Variants in SPHKAP observed in about 807,000 individuals in gnomAD.
SPHKAP encodes A-kinase anchor protein SPHKAP.
SPHKAP carries 67 observed loss-of-function variants against 137.5 expected under a neutral mutation model. The observed-to-expected ratio is 0.49, with a 90% confidence interval of 0.40 to 0.60. SPHKAP has a LOEUF of 0.60. Ranked by LOEUF, SPHKAP falls within the 20% of genes least tolerant of loss-of-function variation. The probability of loss-of-function intolerance (pLI) is 0.00; values close to 1 mark genes in which losing one functional copy is unlikely to be tolerated. For synonymous variants in SPHKAP, 813 were observed against 785.3 expected (o/e 1.04, Z -0.59); for missense variants, 2,097 against 2,069.3 (o/e 1.01, Z -0.26).
intron 3 of SPHKAP, among the ~76,000 whole-genome samples, chr2:228,032,613 AG>A (rs1192781462): frequency 6.6e-6 from 1 of 152,216 alleles, no homozygotes; most frequent in Non-Finnish European, 1.5e-5. Context: ...AAAAATGTTA[AG>A]GGCAGCCAGA....
chr2:228,028,604 G>T (rs1232785785), intron 3 of SPHKAP, among the ~76,000 whole-genome samples: 1 of 151,886 alleles, frequency 6.6e-6, no homozygotes, highest in Non-Finnish European at 1.5e-5. Flanking sequence ...CATATGTTTA[G>T]ATATACAAAT....
At chr2:228,145,669 T>TA (rs967932399) in intron 1 of SPHKAP, among the ~76,000 whole-genome samples, 9 of 152,250 alleles carry the variant, frequency 5.9e-5, no homozygotes, top group Admixed American at 5.9e-4. Context: ...AAATTATAAA[T>TA]AAAAATATAG....
intron 3 of SPHKAP, among the ~76,000 whole-genome samples, chr2:228,092,913 A>C (rs948875731): frequency 2.0e-5 from 3 of 152,068 alleles, no homozygotes; most frequent in African/African-American, 7.2e-5. Context: ...AGGGAAAAGG[A>C]TGGGAACAGG....
intron 2 of SPHKAP, among the ~76,000 whole-genome samples, chr2:228,121,388 C>A (rs1698899360): frequency 6.6e-6 from 1 of 152,150 alleles, no homozygotes; most frequent in Non-Finnish European, 1.5e-5. Flanking sequence ...TGGTGCCTTG[C>A]ACCTATAGTC....
intron 3 of SPHKAP, among the ~76,000 whole-genome samples, chr2:228,042,883 C>T (rs1230590782): frequency 1.3e-5 from 2 of 152,140 alleles, no homozygotes; most frequent in African/African-American, 2.4e-5. Flanking sequence ...AGACTTCCAT[C>T]TTGTTCCCAG....
intron 2 of SPHKAP, chr2:228,109,417 C>G: frequency 1.0e-6 from 1 of 970,796 alleles, no homozygotes; most frequent in Non-Finnish European, 1.2e-6. Context: ...TTTTCTAGAA[C>G]ACCTAAGGTA....
intron 3 of SPHKAP, among the ~76,000 whole-genome samples, chr2:228,037,585 A>G (rs1023616123): frequency 1.3e-5 from 2 of 152,170 alleles, no homozygotes; most frequent in African/African-American, 4.8e-5. Context: ...AGCTACATAA[A>G]TATATCTCAT....
At chr2:228,152,683 T>G (rs1170163878) in intron 1 of SPHKAP, among the ~76,000 whole-genome samples, 1 of 151,750 alleles carries the variant, frequency 6.6e-6, no homozygotes, top group Non-Finnish European at 1.5e-5. Context: ...TAGTCAAGTT[T>G]TATTATTTTT....
intron 8 of SPHKAP, among the ~76,000 whole-genome samples, chr2:227,995,121 A>C (rs1693580163): frequency 6.6e-6 from 1 of 152,244 alleles, no homozygotes; most frequent in African/African-American, 2.4e-5. Flanking sequence ...ACAGTGTGGA[A>C]ACACTTGCCT....
intron 2 of SPHKAP, among the ~76,000 whole-genome samples, chr2:228,114,441 T>C (rs10171690): frequency 0.34 from 52,284 of 151,934 alleles, 9,282 homozygotes; most frequent in East Asian, 0.5. Flanking sequence ...TGATTAATCT[T>C]GGAGGTTTGG....
intron 3 of SPHKAP, among the ~76,000 whole-genome samples, chr2:228,030,554 A>AG (rs1553615002): frequency 0.012 from 1,717 of 140,174 alleles, 26 homozygotes; most frequent in African/African-American, 0.033. Context: ...AAAAAAAAAA[A>AG]AATAAAAAAA....
chr2:228,165,169 C>G (rs985730486), intron 1 of SPHKAP, among the ~76,000 whole-genome samples: 1 of 149,906 alleles, frequency 6.7e-6, no homozygotes, highest in African/African-American at 2.5e-5. Flanking sequence ...TTTTTTTTAC[C>G]CATCTCACAG....
chr2:228,076,811 G>A (rs1414275675), intron 3 of SPHKAP, among the ~76,000 whole-genome samples: 1 of 152,210 alleles, frequency 6.6e-6, no homozygotes, highest in Non-Finnish European at 1.5e-5. Flanking sequence ...ATTTGCATAA[G>A]TAACAAGAAG....
chr2:228,159,220 C>T (rs1700200987), intron 1 of SPHKAP, among the ~76,000 whole-genome samples: 2 of 152,098 alleles, frequency 1.3e-5, no homozygotes, highest in Non-Finnish European at 2.9e-5. Flanking sequence ...ATAAGAAAGA[C>T]TTTATTTGAG....
At chr2:228,045,182 C>T (rs1426538449) in intron 3 of SPHKAP, among the ~76,000 whole-genome samples, 2 of 151,396 alleles carry the variant, frequency 1.3e-5, no homozygotes, top group African/African-American at 4.9e-5. Flanking sequence ...TTGTGGAAGG[C>T]AGTGTGGCGA....
intron 7 of SPHKAP, chr2:227,996,119 C>T: frequency 1.0e-6 from 1 of 985,146 alleles, no homozygotes; most frequent in Non-Finnish European, 1.2e-6. Context: ...GCAAGAGGAT[C>T]ATTAGAAAAA....
At chr2:228,087,972 A>T (rs1697591359) in intron 3 of SPHKAP, among the ~76,000 whole-genome samples, 1 of 152,210 alleles carries the variant, frequency 6.6e-6, no homozygotes, top group Non-Finnish European at 1.5e-5. Flanking sequence ...AAGAATATGC[A>T]TAAGTTGTAT....
intron 3 of SPHKAP, among the ~76,000 whole-genome samples, chr2:228,030,513 C>CAAAAAAAAAAAAAAAAAAACA (rs1695255023): frequency 2.1e-5 from 1 of 48,776 alleles, no homozygotes; most frequent in African/African-American, 7.4e-5. Context: ...GATACCATCT[C>CAAAAAAAAAAAAAAAAAAACA]AAAAAAAAAA....
chr2:228,134,144 AAGAAAG>A (rs1699357182), intron 1 of SPHKAP, among the ~76,000 whole-genome samples: 1 of 147,698 alleles, frequency 6.8e-6, no homozygotes, highest in Non-Finnish European at 1.5e-5. Flanking sequence ...GAGAAAGAGA[AAGAAAG>A]AGGAAGAAAA....
Sources: allele counts gnomAD v4.1 joint callset (sites outside exome capture counted in the v4.1 genomes callset), GRCh38; gene constraint gnomAD v4.1.1; transcripts MANE v1.5; gene names NCBI Gene and HGNC (gene_info 2026-07-23, HGNC 2026-07-21).